The following SNX29 variants were observed in gnomAD, a reference collection of about 807,000 sequenced individuals.
SNX29 encodes sorting nexin 29.
Under a neutral mutation model 102.1 loss-of-function variants are expected in SNX29, and 78 were observed. The observed-to-expected ratio is 0.76, with a 90% CI of 0.64 to 0.92. The LOEUF (loss-of-function observed/expected upper bound fraction) is 0.92, where lower values mean the gene tolerates loss of function less well. SNX29 is among the 40% of genes least tolerant of loss of function. The probability of loss-of-function intolerance (pLI) is 0.00; values close to 1 mark genes in which losing one functional copy is unlikely to be tolerated. For synonymous variants in SNX29, 580 were observed against 414.5 expected (o/e 1.40, Z -4.85); for missense variants, 1,280 against 1,061.7 (o/e 1.21, Z -2.86).
At chr16:12,319,558 T>C (rs952345196) in intron 15 of SNX29, among the ~76,000 whole-genome samples, 1 of 152,164 alleles carries the variant, frequency 6.6e-6, no homozygotes, top group Non-Finnish European at 1.5e-5. Context: ...AGCTGCCATT[T>C]GTTGAGTACC....
At chr16:12,088,621 T>G in intron 11 of SNX29, among the ~76,000 whole-genome samples, 1 of 152,210 alleles carries the variant, frequency 6.6e-6, no homozygotes, top group East Asian at 1.9e-4. Context: ...CTTCTGTTCT[T>G]TTACTGTTTG....
chr16:12,393,836 C>T (rs1348951026), intron 16 of SNX29, among the ~76,000 whole-genome samples: 1 of 152,238 alleles, frequency 6.6e-6, no homozygotes, highest in African/African-American at 2.4e-5. Flanking sequence ...GCTGGCCTCT[C>T]CCTTTACCTT....
At chr16:12,462,056 A>C (rs2086829116) in intron 18 of SNX29, among the ~76,000 whole-genome samples, 1 of 132,364 alleles carries the variant, frequency 7.6e-6, no homozygotes, top group Non-Finnish European at 1.6e-5. Context: ...CTTATATATG[A>C]GAAAATATCC....
chr16:12,279,897 G>A (rs1341923483), intron 15 of SNX29, among the ~76,000 whole-genome samples: 5 of 152,210 alleles, frequency 3.3e-5, no homozygotes, highest in African/African-American at 1.2e-4. Context: ...GAACAAGGGT[G>A]CTGTGGTGAG....
intron 11 of SNX29, among the ~76,000 whole-genome samples, chr16:12,083,148 T>C (rs992832402): frequency 6.6e-6 from 1 of 151,778 alleles, no homozygotes; most frequent in Non-Finnish European, 1.5e-5. Flanking sequence ...CTACTAAAAA[T>C]ACAAAAAATT....
intron 19 of SNX29, among the ~76,000 whole-genome samples, chr16:12,510,894 TAGA>T (rs1400178349): frequency 3.9e-5 from 6 of 152,038 alleles, no homozygotes; most frequent in Admixed American, 2.0e-4. Flanking sequence ...CCGTGGAGGG[TAGA>T]AGGAGTCATC....
chr16:12,077,278 T>TA (rs61448876), intron 10 of SNX29, among the ~76,000 whole-genome samples: 1,942 of 145,542 alleles, frequency 0.013, 23 homozygotes, highest in South Asian at 0.056. Flanking sequence ...GAACCTGTCT[T>TA]AAAAAAAAAA....
chr16:12,485,524 C>T (rs1340456426), intron 19 of SNX29, among the ~76,000 whole-genome samples: 2 of 152,088 alleles, frequency 1.3e-5, no homozygotes, highest in Admixed American at 1.3e-4. Flanking sequence ...GTAGAGGAAC[C>T]GACTGGTACT....
At chr16:12,393,905 A>G (rs1214426044) in intron 16 of SNX29, among the ~76,000 whole-genome samples, 2 of 152,246 alleles carry the variant, frequency 1.3e-5, no homozygotes, top group African/African-American at 4.8e-5. Context: ...GGCAAGGAAG[A>G]AACCAAGGTT....
At chr16:12,318,131 G>C (rs2080812605) in intron 15 of SNX29, among the ~76,000 whole-genome samples, 1 of 152,248 alleles carries the variant, frequency 6.6e-6, no homozygotes, top group Non-Finnish European at 1.5e-5. Flanking sequence ...AGCCCCCACG[G>C]CTGCAAGAGA....
At chr16:12,349,208 C>T (rs933851176) in intron 15 of SNX29, among the ~76,000 whole-genome samples, 10 of 152,196 alleles carry the variant, frequency 6.6e-5, no homozygotes, top group Admixed American at 5.2e-4. Context: ...TTATTTGTTG[C>T]CTGAAAGGCC....
intron 3 of SNX29, among the ~76,000 whole-genome samples, chr16:12,018,561 T>A (rs930011028): frequency 7.3e-5 from 11 of 151,282 alleles, no homozygotes; most frequent in African/African-American, 2.7e-4. Context: ...TCAGCCTGGG[T>A]GACAGAGTGA....
intron 18 of SNX29, among the ~76,000 whole-genome samples, chr16:12,429,169 C>G: frequency 6.6e-6 from 1 of 151,496 alleles, no homozygotes; most frequent in East Asian, 2.0e-4. Context: ...AATATCTCTT[C>G]CTAGTTAGTC....
At chr16:12,260,943 G>C (rs1238353405) in intron 14 of SNX29, among the ~76,000 whole-genome samples, 2 of 151,402 alleles carry the variant, frequency 1.3e-5, no homozygotes, top group Non-Finnish European at 2.9e-5. Flanking sequence ...CCCGGCTGGA[G>C]TGAGTATTTG....
In SNX29 at chr16:12,233,085, A is replaced by ATCTTCTTTG. The variant is rs1197022213; in HGVS notation, c.1678+33416_1678+33424dup. Among the ~76,000 whole-genome samples, 6 of 152,054 alleles carry ATCTTCTTTG rather than the reference A, an allele frequency of 3.9e-5. No homozygotes were observed. The South Asian group carries it at 1.3e-3, about 32-fold the overall frequency. ...TGGAAATGCCTTCCTCTTTGTCTTC[A>ATCTTCTTTG]TCTTCTTTGTCTTCTTTGTCTTTGT... On this transcript the variant is annotated intron_variant, in intron 14 of 20. Coordinates refer to ENST00000566228, the MANE Select transcript of SNX29 (RefSeq NM_032167.5).
At chr16:12,243,676 G>A (rs1464725891) in intron 14 of SNX29, among the ~76,000 whole-genome samples, 3 of 152,084 alleles carry the variant, frequency 2.0e-5, no homozygotes, top group African/African-American at 4.8e-5. Context: ...GTATGATTGG[G>A]CTTCAGGTCC....
intron 14 of SNX29, among the ~76,000 whole-genome samples, chr16:12,213,986 C>G (rs909812621): frequency 1.1e-4 from 17 of 152,084 alleles, no homozygotes; most frequent in African/African-American, 3.9e-4. Context: ...TCAAGCCACC[C>G]CTTTTTGCCC....
intron 14 of SNX29, among the ~76,000 whole-genome samples, chr16:12,219,227 A>G (rs1430585226): frequency 6.7e-6 from 1 of 149,850 alleles, no homozygotes; most frequent in Non-Finnish European, 1.5e-5. Flanking sequence ...CACATGTTAT[A>G]TCGTCAGTTG....
chr16:12,432,667 C>T (rs545743941), intron 18 of SNX29, among the ~76,000 whole-genome samples: 3 of 152,192 alleles, frequency 2.0e-5, no homozygotes, highest in Non-Finnish European at 2.9e-5. Context: ...CTGTGATGTC[C>T]GAGTACAGGG....
Sources: allele counts gnomAD v4.1 joint callset (sites outside exome capture counted in the v4.1 genomes callset), GRCh38; gene constraint gnomAD v4.1.1; transcripts MANE v1.5; gene names NCBI Gene and HGNC (gene_info 2026-07-23, HGNC 2026-07-21).